Variants in AFF3 observed in about 807,000 individuals in gnomAD.
AFF3 encodes ALF transcription elongation factor 3, also known as AF4/FMR2 family member 3.
Under a neutral mutation model 129.7 loss-of-function variants are expected in AFF3, and 32 were observed. The ratio of observed to expected loss-of-function variants is 0.25; its 90% CI spans 0.19 to 0.33. The LOEUF (loss-of-function observed/expected upper bound fraction) is 0.33. AFF3 is among the 10% of genes least tolerant of loss of function. The probability of loss-of-function intolerance (pLI) is 1.00; values close to 1 mark genes in which losing one functional copy is unlikely to be tolerated. For synonymous variants in AFF3, 644 were observed against 635.4 expected (o/e 1.01, Z -0.20); for missense variants, 1,373 against 1,592.0 (o/e 0.86, Z 2.34).
chr2:99,982,365 A>G (rs1190152537), intron 7 of AFF3, among the ~76,000 whole-genome samples: 6 of 152,124 alleles, frequency 3.9e-5, no homozygotes, highest in Non-Finnish European at 8.8e-5. Flanking sequence ...CCATCCACGT[A>G]AGATGTGACT....
chr2:99,678,497 A>G (rs1254809208), intron 11 of AFF3, among the ~76,000 whole-genome samples: 1 of 152,220 alleles, frequency 6.6e-6, no homozygotes, highest in Non-Finnish European at 1.5e-5. Flanking sequence ...GTTTTTAATT[A>G]ATAGGATTTT....
At chr2:99,696,959 G>C (rs1558759140) in intron 11 of AFF3, among the ~76,000 whole-genome samples, 1 of 152,194 alleles carries the variant, frequency 6.6e-6, no homozygotes, top group East Asian at 1.9e-4. Flanking sequence ...TGAAATTCTT[G>C]ATGGCTATAG....
At chr2:100,046,902 T>C (rs1451436485) in intron 4 of AFF3, among the ~76,000 whole-genome samples, 1 of 152,068 alleles carries the variant, frequency 6.6e-6, no homozygotes, top group East Asian at 1.9e-4. Context: ...ACTCAGTGGA[T>C]TTGAAACTAT....
intron 13 of AFF3, among the ~76,000 whole-genome samples, chr2:99,623,151 C>CTT (rs77383046): frequency 2.7e-4 from 34 of 124,144 alleles, no homozygotes; most frequent in South Asian, 8.2e-4. Context: ...ACCTCTGGTT[C>CTT]TTTTTTTTTT....
At chr2:100,133,959 A>G (rs1233506175) in intron 1 of AFF3, among the ~76,000 whole-genome samples, 1 of 152,096 alleles carries the variant, frequency 6.6e-6, no homozygotes, top group East Asian at 1.9e-4. Flanking sequence ...TAAAATAACA[A>G]TAATAATATA....
Position 100,007,321 on chromosome 2 carries a change from A to T in AFF3, c.314T>A (p.Val105Glu). The T allele has an allele frequency of 6.2e-7, 1 of 1,614,166 alleles. No individual in the cohort carries two copies. Among genetic ancestry groups the T allele is most frequent in the Non-Finnish European group, 8.5e-7 (1 of 1,180,020 alleles). Residue 105 changes from valine to glutamate, a missense_variant, in exon 6 of 25, where the codon GTG becomes GAG. By Grantham distance (121) the Val-to-Glu change is moderately radical. This residue lies in a region of AFF3 where 255 missense variants were observed against 256.0 expected (regional missense o/e 1.00). Transcript: ENST00000672756. ...VPKPGVPQTP[V>E]NKIDEHFVAD... ...AACAAAATGTTCATCGATCTTGTTC[A>T]CAGGAGTCTGAGGAACCCCAGGTTT...
chr2:100,030,785 C>A (rs542784584), intron 4 of AFF3, among the ~76,000 whole-genome samples: 4 of 152,224 alleles, frequency 2.6e-5, no homozygotes, highest in East Asian at 3.9e-4. Context: ...TCCAATTATA[C>A]GACATGCTGA....
chr2:99,916,096 G>C (rs1695456597), intron 7 of AFF3, among the ~76,000 whole-genome samples: 1 of 152,128 alleles, frequency 6.6e-6, no homozygotes, highest in South Asian at 2.1e-4. Context: ...TGTAGCCTGT[G>C]GCCATAAAAC....
chr2:100,055,653 G>A (rs1686710205), intron 4 of AFF3, among the ~76,000 whole-genome samples: 1 of 152,076 alleles, frequency 6.6e-6, no homozygotes. Flanking sequence ...AACTTTGTCT[G>A]TTAAAGAGCC....
intron 7 of AFF3, among the ~76,000 whole-genome samples, chr2:99,893,164 T>C (rs1488279412): frequency 1.3e-5 from 2 of 152,218 alleles, no homozygotes; most frequent in East Asian, 1.9e-4. Context: ...TTGTTACCCA[T>C]GGCAGGACCT....
intron 4 of AFF3, 147 bp from the exon 5 acceptor site, chr2:100,009,079 C>G: frequency 8.8e-7 from 1 of 1,132,222 alleles, no homozygotes; most frequent in Non-Finnish European, 1.2e-6. Context: ...CCAGAGTCAT[C>G]AGGCAGTGTG....
intron 13 of AFF3, among the ~76,000 whole-genome samples, chr2:99,610,088 T>C (rs1271599456): frequency 6.6e-6 from 1 of 152,208 alleles, no homozygotes; most frequent in East Asian, 1.9e-4. Flanking sequence ...CTGCTGAGAA[T>C]AGATAACCAC....
chr2:100,024,198 C>T (rs1224450331), intron 4 of AFF3, among the ~76,000 whole-genome samples: 1 of 136,664 alleles, frequency 7.3e-6, no homozygotes, highest in African/African-American at 2.8e-5. Context: ...CGCCACTGCA[C>T]TCCAGCCTGG....
intron 11 of AFF3, among the ~76,000 whole-genome samples, chr2:99,716,780 G>C (rs1028494871): frequency 2.6e-5 from 4 of 151,912 alleles, no homozygotes; most frequent in Non-Finnish European, 5.9e-5. Flanking sequence ...ACTTTGGGGG[G>C]GCTGAGGCAG....
intron 7 of AFF3, among the ~76,000 whole-genome samples, chr2:99,890,660 C>T (rs1403664471): frequency 1.3e-5 from 2 of 152,122 alleles, no homozygotes; most frequent in Admixed American, 1.3e-4. Context: ...ACTACCCCTC[C>T]GTGCCCCTGT....
At chr2:100,136,031 G>T (rs1300917720) in intron 1 of AFF3, among the ~76,000 whole-genome samples, 1 of 152,230 alleles carries the variant, frequency 6.6e-6, no homozygotes. Context: ...GAATGAAGGG[G>T]CTTCGTGGGG....
chr2:100,132,934 GTT>G (rs551841808), intron 1 of AFF3, among the ~76,000 whole-genome samples: 4 of 141,028 alleles, frequency 2.8e-5, no homozygotes, highest in African/African-American at 2.6e-5. Context: ...TTCTGTTTTT[GTT>G]TTTTTTTTTT....
intron 4 of AFF3, among the ~76,000 whole-genome samples, chr2:100,019,887 C>T (rs1227557159): frequency 2.0e-5 from 3 of 152,178 alleles, no homozygotes; most frequent in Non-Finnish European, 2.9e-5. Context: ...GGCCTATCCC[C>T]CCAACCCCAC....
intron 8 of AFF3, among the ~76,000 whole-genome samples, chr2:99,761,987 T>C (rs952118372): frequency 1.3e-5 from 2 of 152,092 alleles, no homozygotes; most frequent in African/African-American, 2.4e-5. Flanking sequence ...CCTGCCCCCA[T>C]CTTGTTTCTC....
Sources: allele counts gnomAD v4.1 joint callset (sites outside exome capture counted in the v4.1 genomes callset), GRCh38; gene constraint gnomAD v4.1.1; regional missense constraint gnomAD v4.1.1; transcripts MANE v1.5; gene names NCBI Gene and HGNC (gene_info 2026-07-23, HGNC 2026-07-21).